Variants in CHD9 observed in about 807,000 individuals in gnomAD.
CHD9 encodes the protein ATP-dependent chromatin remodeler CHD9.
Under a neutral mutation model 316.1 loss-of-function variants are expected in CHD9, and 77 were observed. The observed-to-expected ratio is 0.24, with a 90% CI of 0.20 to 0.29. The LOEUF is 0.29. Among genes scored for constraint, CHD9 ranks in the 10% least tolerant of loss-of-function variants. The pLI is 1.00. For missense variants in CHD9, 2,763 were observed against 3,438.1 expected (o/e 0.80, Z 4.91); for synonymous variants, 1,129 against 1,158.3 (o/e 0.97, Z 0.51).
intron 22 of CHD9, among the ~76,000 whole-genome samples, chr16:53,271,991 A>T (rs2052316102): frequency 6.6e-6 from 1 of 152,196 alleles, no homozygotes; most frequent in African/African-American, 2.4e-5. Context: ...TATGATAAAC[A>T]ATAAAATTGT....
chr16:53,144,994 CA>C (rs60107956), intron 1 of CHD9, among the ~76,000 whole-genome samples: 37,312 of 113,402 alleles, frequency 0.33, 4,491 homozygotes, highest in Middle Eastern at 0.41. Flanking sequence ...GACCCTGTCT[CA>C]AAAAAAAAAA....
In CHD9 at chr16:53,315,024, G is replaced by A; in HGVS notation, c.7564G>A (p.Asp2522Asn). ...WLKEHPGYVE[D>N]LGAFIPRMQL... ...TAAGGAGCACCCGGGTTATGTGGAA[G>A]ATTTGGGAGCTTTTATTCCTGTAGG... Residue 2522 changes from aspartate to asparagine, a missense_variant, in exon 36 of 39, where the codon GAT becomes AAT. Coordinates refer to ENST00000447540, the MANE Select transcript of CHD9 (RefSeq NM_001308319.2). 6.2e-7 allele frequency: 1 copy of A among 1,613,438 alleles called. No homozygotes were observed. Among genetic ancestry groups the A allele is most frequent in the South Asian group, 1.1e-5 (1 of 91,014 alleles).
Position 53,071,983 on chromosome 16 carries a change from C to T in CHD9, c.-165+16906C>T, listed in dbSNP as rs75567474. Among the ~76,000 whole-genome samples the T allele has an allele frequency of 3.9e-3, 601 of 152,312 alleles. 5 individuals carry two copies. The highest frequency in any genetic ancestry group is 0.014 in the African/African-American group (577 of 41,568). On this transcript the variant is annotated intron_variant, in intron 1 of 38. Coordinates refer to ENST00000447540, the MANE Select transcript of CHD9 (RefSeq NM_001308319.2). ...TTCAGGCATTGAGTTTATTGTGCAT[C>T]TTGTTTTTCTGGCCTCTGGGGATAC...
intron 1 of CHD9, among the ~76,000 whole-genome samples, chr16:53,145,528 G>A (rs1294906786): frequency 1.3e-5 from 2 of 151,606 alleles, no homozygotes; most frequent in African/African-American, 4.8e-5. Context: ...CCAACATGGC[G>A]AAACCCTGTC....
At chr16:53,148,147 C>T (rs2040788916) in intron 1 of CHD9, among the ~76,000 whole-genome samples, 1 of 152,152 alleles carries the variant, frequency 6.6e-6, no homozygotes, top group Non-Finnish European at 1.5e-5. Context: ...GCAGAGGTTG[C>T]AATGAGCCAA....
intron 1 of CHD9, among the ~76,000 whole-genome samples, chr16:53,134,747 G>A (rs1432463848): frequency 3.9e-5 from 6 of 152,154 alleles, no homozygotes; most frequent in Non-Finnish European, 4.4e-5. Context: ...ACCCAAAGAA[G>A]GGGAAACCAC....
At chr16:53,207,993 A>G in intron 2 of CHD9, 1 of 988,982 alleles carries the variant, frequency 1.0e-6, no homozygotes, top group Non-Finnish European at 1.2e-6. Context: ...TCTAATATTC[A>G]TGCTGATGCA....
Position 53,171,112 on chromosome 16 carries a change from TAATAAA to T in CHD9, c.1452+13574_1452+13579del, listed in dbSNP as rs549204740. Reference sequence around the variant, plus strand: ...TAGGATTGGCATATTTTAAATCTATTAATAAAAACAATTTAGGCCAGGTGCGGTGGC... The same window carrying T: ...TAGGATTGGCATATTTTAAATCTATTAACAATTTAGGCCAGGTGCGGTGGC... On this transcript the variant is annotated intron_variant, in intron 2 of 38. Coordinates refer to ENST00000447540, the MANE Select transcript of CHD9 (RefSeq NM_001308319.2). Among the ~76,000 whole-genome samples the T allele has an allele frequency of 3.0e-4, 46 of 152,268 alleles. No homozygotes were observed. The South Asian group carries it at 7.1e-3, about 23-fold the overall frequency.
At chr16:53,231,390 A>T (rs2152926242) in intron 8 of CHD9, 29 bp from the exon 9 acceptor site, 4 of 1,260,524 alleles carry the variant, frequency 3.2e-6, no homozygotes, top group Non-Finnish European at 4.6e-6. Flanking sequence ...TCTTTGTCAG[A>T]TGTCAATTAA....
At position 53,243,166 on chromosome 16, in the gene CHD9, C is replaced by A. The variant is rs550271622; in HGVS notation, c.3054+150C>A. ...TGATAATTGAGATTTTTTGGGGGGC[C>A]TTAATTTGTAAGAAAAAAAATTCTG... is the stretch of plus-strand genomic sequence containing the variant. On this transcript the variant is annotated intron_variant, in intron 13 of 38. Coordinates refer to ENST00000447540, the MANE Select transcript of CHD9 (RefSeq NM_001308319.2). 44 of 536,192 alleles carry A rather than the reference C, an allele frequency of 8.2e-5. 2 individuals carry two copies. The African/African-American group carries it at 8.2e-4, about 10-fold the overall frequency. 33.2% of individuals were successfully genotyped at this position (536,192 alleles called of 1,614,324 possible).
intron 1 of CHD9, among the ~76,000 whole-genome samples, chr16:53,129,626 G>A (rs2039127362): frequency 6.6e-6 from 1 of 152,224 alleles, no homozygotes; most frequent in Non-Finnish European, 1.5e-5. Flanking sequence ...CCTTAGCGGA[G>A]GCTGAAATTC....
chr16:53,224,115 A>G (rs2047457506), intron 4 of CHD9, among the ~76,000 whole-genome samples: 1 of 152,188 alleles, frequency 6.6e-6, no homozygotes, highest in Non-Finnish European at 1.5e-5. Context: ...ACGTGCTTCT[A>G]ACCTCCTATG....
chr16:53,081,051 C>T (rs943122063), intron 1 of CHD9, among the ~76,000 whole-genome samples: 1 of 152,240 alleles, frequency 6.6e-6, no homozygotes, highest in Non-Finnish European at 1.5e-5. Flanking sequence ...CTTCCTTCTC[C>T]TTCCCACTCC....
chr16:53,114,716 T>C (rs1233629203), intron 1 of CHD9, among the ~76,000 whole-genome samples: 2 of 151,986 alleles, frequency 1.3e-5, no homozygotes, highest in Admixed American at 6.6e-5. Context: ...GCCTCGCGAG[T>C]AGCTGGGACT....
rs67988137 is a variant in CHD9 at position 53,063,358 on chromosome 16, TCACACACACA to T, written c.-165+8316_-165+8325del. Among the ~76,000 whole-genome samples, 156 of 137,120 alleles carry T rather than the reference TCACACACACA, an allele frequency of 1.1e-3. 1 individual carries two copies. The highest frequency in any genetic ancestry group is 2.8e-3 in the East Asian group (13 of 4,606). 90.0% of individuals were successfully genotyped at this position (137,120 alleles called of 152,430 possible). A position where few individuals can be genotyped will look rare whatever the true frequency, so the allele number is the denominator to read the frequency against. On this transcript the variant is annotated intron_variant, in intron 1 of 38. Coordinates refer to ENST00000447540, the MANE Select transcript of CHD9 (RefSeq NM_001308319.2). ...AGAATTATGCTGCTTCTCATAAATT[TCACACACACA>T]CACACACACACACACACACACACAC...
chr16:53,070,635 A>C (rs1045841038), intron 1 of CHD9, among the ~76,000 whole-genome samples: 7 of 150,856 alleles, frequency 4.6e-5, no homozygotes, highest in African/African-American at 1.7e-4. Flanking sequence ...GCTCACTGCA[A>C]CCTCTGCCTC....
At chr16:53,134,394 A>G (rs1194477372) in intron 1 of CHD9, among the ~76,000 whole-genome samples, 1 of 152,230 alleles carries the variant, frequency 6.6e-6, no homozygotes, top group African/African-American at 2.4e-5. Flanking sequence ...GTAAATTTAA[A>G]GTGCCACATT....
rs889828094 is a variant in CHD9, at chr16:53,243,013, T to A, written c.3051T>A (p.Asn1017Lys). 6.3e-7 allele frequency: 1 copy of A among 1,587,706 alleles called. No homozygotes were observed. The highest frequency in any genetic ancestry group is 1.3e-5 in the African/African-American group (1 of 74,224). The change falls in exon 13 of 39, where the codon AAT (asparagine) becomes AAA (lysine). Residue 1017 changes from asparagine to lysine, a missense_variant. Asn to Lys is a moderately conservative substitution (Grantham distance 94). Transcript: ENST00000447540. ...TCTTAGAGGGCCTGAAACTCATGAA[T>A]CTGGTAAGTAACTTAATATTATCAT... ...CKLLEGLKLMNLEHKVLLTGT... is the reference protein window; with the variant it reads ...CKLLEGLKLMKLEHKVLLTGT...
intron 1 of CHD9, among the ~76,000 whole-genome samples, chr16:53,065,638 T>TAAA (rs68025976): frequency 0.017 from 1,792 of 103,368 alleles, 88 homozygotes; most frequent in African/African-American, 0.067. Context: ...TGTCTTAAAT[T>TAAA]AAAAAAAAAA....
Sources: gnomAD v4.1 joint callset for allele counts (sites outside exome capture counted in the v4.1 genomes callset) on GRCh38, gnomAD v4.1.1 for gene constraint, MANE v1.5 for transcripts, NCBI Gene and HGNC (gene_info 2026-07-23, HGNC 2026-07-21) for gene names.